ADAMTS18: variants seen among roughly 807,000 people sequenced by gnomAD.
ADAMTS18 encodes A disintegrin and metalloproteinase with thrombospondin motifs 18.
ADAMTS18 carries 157 observed loss-of-function variants against 165.9 expected under a neutral mutation model. The observed-to-expected ratio is 0.95, with a 90% CI of 0.83 to 1.08. The LOEUF is 1.08. ADAMTS18 is among the 50% of genes least tolerant of loss of function. ADAMTS18 has a pLI of 0.00. For synonymous variants in ADAMTS18, 782 were observed against 578.2 expected, an observed-to-expected ratio of 1.35 and a Z score of -5.06; for missense variants, 2,040 against 1,534.0, an observed-to-expected ratio of 1.33 and a Z score of -5.51.
chr16:77,365,457 CTCAG>C (rs1340336493), intron 4 of ADAMTS18, among the ~76,000 whole-genome samples: 1 of 152,164 alleles, frequency 6.6e-6, no homozygotes, highest in African/African-American at 2.4e-5. Flanking sequence ...ATAAGAAGCA[CTCAG>C]TAAGAACTCT....
At chr16:77,425,434 G>C (rs1188621687) in intron 3 of ADAMTS18, among the ~76,000 whole-genome samples, 2 of 152,260 alleles carry the variant, frequency 1.3e-5, no homozygotes, top group South Asian at 2.1e-4. Context: ...AGATCCAAGA[G>C]AAACAGCAAA....
intron 10 of ADAMTS18, among the ~76,000 whole-genome samples, chr16:77,345,524 T>C (rs1035897395): frequency 6.6e-6 from 1 of 152,186 alleles, no homozygotes; most frequent in East Asian, 1.9e-4. Flanking sequence ...GACATGGAGC[T>C]CACTGCCAGA....
intron 9 of ADAMTS18, among the ~76,000 whole-genome samples, chr16:77,354,674 G>A (rs954601592): frequency 2.0e-5 from 3 of 152,084 alleles, no homozygotes; most frequent in African/African-American, 7.2e-5. Context: ...CAGCTCATGA[G>A]TGACAATGAC....
At chr16:77,285,406 C>T (rs1016303753) in intron 22 of ADAMTS18, among the ~76,000 whole-genome samples, 1 of 151,040 alleles carries the variant, frequency 6.6e-6, no homozygotes, top group African/African-American at 2.5e-5. Flanking sequence ...CTCCTGACCT[C>T]GGGTGATCCG....
chr16:77,308,241 G>A (rs1390989272), intron 16 of ADAMTS18, among the ~76,000 whole-genome samples: 1 of 152,190 alleles, frequency 6.6e-6, no homozygotes, highest in East Asian at 1.9e-4. Flanking sequence ...GAAAACACAG[G>A]TGGTCATATT....
chr16:77,431,499 C>T lies in ADAMTS18; in HGVS notation c.291G>A (p.Leu97=). ...KRSAQNARSS[L]HYRFSAFGQE... ...GTCCAAATGCTGAAAATCGGTAGTG[C>T]AGGGAGCTTCTGGCATTCTGCGCCG... The change falls in exon 3 of 23, where the codon CTG becomes CTA. Residue 97 remains leucine, a synonymous_variant. Coordinates refer to ENST00000282849, the MANE Select transcript of ADAMTS18 (RefSeq NM_199355.4). The T allele has an allele frequency of 6.2e-7, 1 of 1,614,200 alleles. No individual in the cohort carries two copies. The highest frequency in any genetic ancestry group is 8.5e-7 in the Non-Finnish European group (1 of 1,180,022).
At chr16:77,428,935 G>T in intron 3 of ADAMTS18, among the ~76,000 whole-genome samples, 1 of 152,038 alleles carries the variant, frequency 6.6e-6, no homozygotes, top group East Asian at 1.9e-4. Flanking sequence ...GTGTCCATAC[G>T]TTCATCAAAA....
chr16:77,413,326 C>A (rs2057489462), intron 3 of ADAMTS18, among the ~76,000 whole-genome samples: 1 of 152,198 alleles, frequency 6.6e-6, no homozygotes, highest in Admixed American at 6.5e-5. Flanking sequence ...CTCTAACTCT[C>A]CAGCTATGGA....
intron 22 of ADAMTS18, among the ~76,000 whole-genome samples, chr16:77,287,224 G>A (rs141582835): frequency 5.1e-4 from 78 of 152,220 alleles, no homozygotes; most frequent in East Asian, 9.7e-4. Context: ...GGCAAAGAAC[G>A]GAATCTTCTT....
chr16:77,323,058 G>C (rs961104935), intron 13 of ADAMTS18, among the ~76,000 whole-genome samples: 13 of 152,092 alleles, frequency 8.5e-5, no homozygotes, highest in Admixed American at 8.5e-4. Context: ...CGTCCTGAAG[G>C]CTACAAAAAG....
intron 3 of ADAMTS18, among the ~76,000 whole-genome samples, chr16:77,417,294 G>C (rs947075763): frequency 1.3e-5 from 2 of 152,098 alleles, no homozygotes; most frequent in Non-Finnish European, 2.9e-5. Flanking sequence ...GGGTGAGTGG[G>C]TGTGTGGGTG....
At chr16:77,398,367 A>G (rs530694466) in intron 3 of ADAMTS18, among the ~76,000 whole-genome samples, 1 of 152,166 alleles carries the variant, frequency 6.6e-6, no homozygotes, top group African/African-American at 2.4e-5. Context: ...AAAGAGAGAA[A>G]GAGAAAGAGA....
intron 3 of ADAMTS18, among the ~76,000 whole-genome samples, chr16:77,429,821 G>A (rs1212982275): frequency 6.6e-6 from 1 of 152,172 alleles, no homozygotes; most frequent in Non-Finnish European, 1.5e-5. Flanking sequence ...GCCAGGAACT[G>A]CTATGGCACT....
At chr16:77,304,442 T>C (rs998541691) in intron 16 of ADAMTS18, among the ~76,000 whole-genome samples, 10 of 152,298 alleles carry the variant, frequency 6.6e-5, no homozygotes, top group African/African-American at 2.2e-4. Flanking sequence ...GCCTGGGCCA[T>C]AGAGTGAGAC....
At chr16:77,303,277 T>C (rs1486678179) in intron 16 of ADAMTS18, among the ~76,000 whole-genome samples, 1 of 152,154 alleles carries the variant, frequency 6.6e-6, no homozygotes, top group Non-Finnish European at 1.5e-5. Flanking sequence ...GACTAATGGC[T>C]ACCATACTGG....
chr16:77,329,015 T>C (rs986281441), intron 12 of ADAMTS18, among the ~76,000 whole-genome samples: 5 of 152,242 alleles, frequency 3.3e-5, no homozygotes, highest in Non-Finnish European at 5.9e-5. Flanking sequence ...ACTGAGTTCT[T>C]AGGCCATGGG....
At chr16:77,417,103 T>C (rs142418491) in intron 3 of ADAMTS18, among the ~76,000 whole-genome samples, 1 of 152,140 alleles carries the variant, frequency 6.6e-6, no homozygotes, top group African/African-American at 2.4e-5. Context: ...ATTAATTTTG[T>C]TGCAGCATCC....
chr16:77,360,466 G>A (rs1022042615), intron 7 of ADAMTS18, among the ~76,000 whole-genome samples: 2 of 152,120 alleles, frequency 1.3e-5, no homozygotes, highest in African/African-American at 4.8e-5. Flanking sequence ...CTTAAAGTAA[G>A]TGACCTTTTC....
chr16:77,288,636 A>AT (rs1248461904), intron 22 of ADAMTS18, among the ~76,000 whole-genome samples: 4 of 152,112 alleles, frequency 2.6e-5, no homozygotes, highest in African/African-American at 9.7e-5. Flanking sequence ...TGATTTCTGA[A>AT]TTTTTTATAT....
Sources: gnomAD v4.1 joint callset for allele counts (sites outside exome capture counted in the v4.1 genomes callset) on GRCh38, gnomAD v4.1.1 for gene constraint, MANE v1.5 for transcripts, NCBI Gene and HGNC (gene_info 2026-07-23, HGNC 2026-07-21) for gene names.